SLC37A2: variants seen among roughly 807,000 people sequenced by gnomAD.
SLC37A2 encodes solute carrier family 37 member 2.
A neutral mutation model predicts 70.7 loss-of-function variants in SLC37A2; 59 were observed. That is an observed-to-expected ratio of 0.83 (90% confidence interval 0.68 to 1.04). The LOEUF is 1.04. Ranked by LOEUF, SLC37A2 falls within the 50% of genes least tolerant of loss-of-function variation. SLC37A2 has a pLI of 0.00. For missense variants in SLC37A2, 580 were observed against 658.1 expected (o/e 0.88, Z 1.30); for synonymous variants, 257 against 262.1 (o/e 0.98, Z 0.19).
Position 125,081,408 on chromosome 11 carries a change from T to C in SLC37A2, c.695-13T>C, listed in dbSNP as rs769972575. The stretch of plus-strand genomic sequence containing the variant: ...GGTTGGGAAACTTCTTAGAAAGCGA[T>C]TTTTTTTTCTAGACCCAGAAGATGT... On this transcript the variant is annotated splice_polypyrimidine_tract_variant and intron_variant, in intron 7 of 17. Coordinates refer to ENST00000403796, the MANE Select transcript of SLC37A2 (RefSeq NM_001145290.2). 6.3e-7 allele frequency: 1 copy of C among 1,594,014 alleles called. No individual in the cohort carries two copies. The highest frequency in any genetic ancestry group is 8.6e-7 in the Non-Finnish European group (1 of 1,169,144).
At position 125,085,966 on chromosome 11, in the gene SLC37A2, T is replaced by C; in HGVS notation, c.1438T>C (p.Leu480=). ...TTGTGCTCCACAGCTCCTTTGCCGG[T>C]TAGTATACAAAGAGATCTTGGCCTG... The part of the protein sequence containing the change: ...DVLACLLLCR[L]VYKEILAWKV... The change falls in exon 17 of 18, where the codon TTA becomes CTA. Residue 480 remains leucine (L), a synonymous_variant. Transcript: ENST00000403796. 6.2e-7 allele frequency: 1 copy of C among 1,614,078 alleles called. No homozygotes were observed. The highest frequency in any genetic ancestry group is 8.5e-7 in the Non-Finnish European group (1 of 1,179,974).
At chr11:125,077,562 A>G in intron 4 of SLC37A2, 34 bp downstream of exon 4, 1 of 1,576,160 alleles carries the variant, frequency 6.3e-7, no homozygotes, top group Non-Finnish European at 8.7e-7. Context: ...GACCAAGAGG[A>G]GGATGGTTTA....
intron 1 of SLC37A2, among the ~76,000 whole-genome samples, chr11:125,073,134 C>T (rs1949046811): frequency 6.6e-6 from 1 of 152,172 alleles, no homozygotes; most frequent in South Asian, 2.1e-4. Context: ...GAGGGCAGGG[C>T]TGGAATCTTG....
At chr11:125,076,711 G>C in intron 1 of SLC37A2, 46 bp from the exon 2 acceptor site, 1 of 1,588,440 alleles carries the variant, frequency 6.3e-7, no homozygotes, top group African/African-American at 1.3e-5. Context: ...AGAACTTCCA[G>C]CTGGGGCTGA....
rs899989153 is a variant in SLC37A2, at chr11:125,063,622, C to T, written c.59+196C>T. Among the ~76,000 whole-genome samples the T allele has an allele frequency of 2.6e-4, 39 of 151,454 alleles. No individual in the cohort carries two copies. Among genetic ancestry groups the T allele is most frequent in the Non-Finnish European group, 5.0e-4 (34 of 68,026 alleles). On this transcript the variant is annotated intron_variant, in intron 1 of 17. Transcript: ENST00000403796. This position sits in a 1 kb window ranked among gnomAD's most constrained non-coding sequence, Gnocchi z 5.4. ...GATAACCCTCCCTGCCCAACTCCGC[C>T]CGCGCTCCCCCAGACCCCGCGACGC... is the stretch of plus-strand genomic sequence containing the variant.
Position 125,085,117 on chromosome 11 carries a change from C to A in SLC37A2, c.1226C>A (p.Thr409Asn). 6.2e-7 allele frequency: 1 copy of A among 1,614,022 alleles called. No homozygotes were observed. The highest frequency in any genetic ancestry group is 8.5e-7 in the Non-Finnish European group (1 of 1,179,958). The change falls in exon 14 of 18, where the codon ACC becomes AAC. Residue 409 changes from threonine (T) to asparagine (N), a missense_variant. Physicochemically the swap from Thr to Asn is moderately conservative, Grantham distance 65. Coordinates refer to ENST00000403796, the MANE Select transcript of SLC37A2 (RefSeq NM_001145290.2). ...GTCAATGGCCCATACGCGCTCATCA[C>A]CACTGCTGTCTCTGCTGATCTGGTG... ...GLVNGPYALI[T>N]TAVSADLGTH...
Position 125,081,605 on chromosome 11 carries a change from G to A in SLC37A2, c.732+147G>A, listed in dbSNP as rs540533823. ...GCTAGGCCCATGGGTTGGCCCTACAGCCTGATGAGTCTGGCAGGTCAGTCC... is the reference window on the plus strand; with the variant it reads ...GCTAGGCCCATGGGTTGGCCCTACAACCTGATGAGTCTGGCAGGTCAGTCC... On this transcript the variant is annotated intron_variant, in intron 8 of 17. Coordinates refer to ENST00000403796, the MANE Select transcript of SLC37A2 (RefSeq NM_001145290.2). 99 of 1,384,602 alleles carry A rather than the reference G, an allele frequency of 7.2e-5. 1 individual carries two copies. In the African/African-American group the frequency reaches 1.1e-3, roughly 15 times the overall value. The allele number at this position is 1,384,602 out of a possible 1,614,324, so 85.8% of individuals were successfully genotyped here.
rs73024339 is a variant in SLC37A2 at position 125,088,814 on chromosome 11, G to C, written c.*680G>C. On this transcript the variant is annotated 3_prime_UTR_variant, in exon 18 of 18. Coordinates refer to ENST00000403796, the MANE Select transcript of SLC37A2 (RefSeq NM_001145290.2). ...GCCTCCCTTGCCTCACTCTGATCCT[G>C]GCCCCATAATGTCCTCAGTGGAAGG... 1 of 148,090 alleles carries C rather than the reference G, an allele frequency of 6.8e-6. No homozygotes were observed. The highest frequency in any genetic ancestry group is 6.8e-5 in the Admixed American group (1 of 14,770). 9.2% of individuals were successfully genotyped at this position (148,090 alleles called of 1,614,324 possible). A position where few individuals can be genotyped will look rare whatever the true frequency, so the allele number is the denominator to read the frequency against.
chr11:125,063,436 G>T lies in SLC37A2; in HGVS notation c.59+10G>T. 6.2e-7 allele frequency: 1 copy of T among 1,609,420 alleles called. No individual in the cohort carries two copies. The highest frequency in any genetic ancestry group is 8.5e-7 in the Non-Finnish European group (1 of 1,178,396). On this transcript the variant is annotated intron_variant, in intron 1 of 17. Coordinates refer to ENST00000403796, the MANE Select transcript of SLC37A2 (RefSeq NM_001145290.2). The surrounding 1 kb of genome is among the most constrained non-coding windows in gnomAD (Gnocchi z 5.4). ...TCTCCAGGGACAGCTGGTGAGCGGG[G>T]CAGGGGAGGGAGGCGTGCCGGGACC...
At chr11:125,073,099 G>A (rs1197540480) in intron 1 of SLC37A2, among the ~76,000 whole-genome samples, 4 of 152,164 alleles carry the variant, frequency 2.6e-5, no homozygotes, top group Non-Finnish European at 2.9e-5. Flanking sequence ...CAGAGCTGGC[G>A]GGGACATCAG....
chr11:125,068,257 A>T (rs963967509), intron 1 of SLC37A2, among the ~76,000 whole-genome samples: 2 of 152,164 alleles, frequency 1.3e-5, no homozygotes, highest in Admixed American at 1.3e-4. Flanking sequence ...TAAAAGTCAG[A>T]TGGGTTCTTG....
At chr11:125,082,463 T>A (rs1000422192) in intron 10 of SLC37A2, 129 bp downstream of exon 10, 4 of 806,912 alleles carry the variant, frequency 5.0e-6, no homozygotes, top group African/African-American at 1.7e-5. Flanking sequence ...GAACCTCTCC[T>A]AGAGTGAAAG....
rs1349722324 is a variant in SLC37A2, at chr11:125,089,814, C to G, written c.*1680C>G. On this transcript the variant is annotated 3_prime_UTR_variant, in exon 18 of 18. Coordinates refer to ENST00000403796, the MANE Select transcript of SLC37A2 (RefSeq NM_001145290.2). ...GGGCTCCTGTGGGGCCCGAGCCTCC[C>G]CGACGAGTACCACCCCCTGCTCCAG... 6.2e-6 allele frequency: 1 copy of G among 162,280 alleles called. No homozygotes were observed. The highest frequency in any genetic ancestry group is 1.9e-4 in the East Asian group (1 of 5,392). The allele number at this position is 162,280 out of a possible 1,614,324, so 10.1% of individuals were successfully genotyped here. A position where few individuals can be genotyped will look rare whatever the true frequency, so the allele number is the denominator to read the frequency against.
At chr11:125,071,448 G>A (rs1949028250) in intron 1 of SLC37A2, among the ~76,000 whole-genome samples, 4 of 152,180 alleles carry the variant, frequency 2.6e-5, no homozygotes, top group Admixed American at 2.6e-4. Flanking sequence ...ACCATTCAGG[G>A]TCCCCCACTC....
intron 1 of SLC37A2, among the ~76,000 whole-genome samples, chr11:125,065,461 T>C (rs6590124): frequency 0.42 from 64,271 of 152,086 alleles, 14,929 homozygotes; most frequent in African/African-American, 0.62. Context: ...GAAACTGTCT[T>C]CACCAGGTTT....
chr11:125,079,828 G>A, intron 6 of SLC37A2, 68 bp downstream of exon 6: 1 of 1,208,262 alleles, frequency 8.3e-7, no homozygotes, highest in South Asian at 1.3e-5. Flanking sequence ...TGGTCACCGT[G>A]GCCTCTGATG....
At chr11:125,084,994 A>G (rs1052622816) in intron 13 of SLC37A2, 72 bp from the exon 14 acceptor site, 3 of 1,573,674 alleles carry the variant, frequency 1.9e-6, no homozygotes, top group Non-Finnish European at 2.6e-6. Flanking sequence ...AAGGCTGGAG[A>G]GTGCTCCTGC....
intron 17 of SLC37A2, chr11:125,086,610 G>A (rs1026711838): frequency 8.9e-6 from 3 of 336,268 alleles, no homozygotes; most frequent in South Asian, 8.5e-5. Context: ...TCTGCCTGGG[G>A]TATGCAGAAC....
At chr11:125,073,809 G>T (rs1365901500) in intron 1 of SLC37A2, among the ~76,000 whole-genome samples, 2 of 152,188 alleles carry the variant, frequency 1.3e-5, no homozygotes, top group African/African-American at 4.8e-5. Flanking sequence ...AAGGCCCAGG[G>T]AACTGGCCTT....
Sources: gnomAD v4.1 joint callset for allele counts (sites outside exome capture counted in the v4.1 genomes callset) on GRCh38, gnomAD v4.1.1 for gene constraint, Gnocchi (gnomAD v3.1) non-coding constraint, MANE v1.5 for transcripts, NCBI Gene and HGNC (gene_info 2026-07-23, HGNC 2026-07-21) for gene names.